SLC66A2: variants seen among roughly 807,000 people sequenced by gnomAD.
SLC66A2 encodes the protein PQ loop repeat containing 1.
A neutral mutation model predicts 25.5 loss-of-function variants in SLC66A2; 23 were observed. That is an observed-to-expected ratio of 0.90 (90% CI 0.65 to 1.28). The LOEUF (loss-of-function observed/expected upper bound fraction) is 1.28, where lower values mean the gene tolerates loss of function less well. Ranked by LOEUF, SLC66A2 falls within the 50% of genes most tolerant of loss-of-function variation. The probability of loss-of-function intolerance (pLI) is 0.00; values close to 1 mark genes in which losing one functional copy is unlikely to be tolerated. For synonymous variants in SLC66A2, 193 were observed against 166.5 expected, an observed-to-expected ratio of 1.16 and a Z score of -1.23; for missense variants, 396 against 373.1, an observed-to-expected ratio of 1.06 and a Z score of -0.51.
At chr18:79,930,554 C>T (rs543528989) in intron 4 of SLC66A2, among the ~76,000 whole-genome samples, 220 of 152,256 alleles carry the variant, frequency 1.4e-3, no homozygotes, top group Non-Finnish European at 2.6e-3. Flanking sequence ...AAGATGATAT[C>T]GGTCACATGT....
Position 79,921,900 on chromosome 18 carries a change from A to AGGGTC in SLC66A2, c.392-2501_392-2500insGACCC, listed in dbSNP as rs1282920794. Among the ~76,000 whole-genome samples the AGGGTC allele has an allele frequency of 3.0e-5, 4 of 133,400 alleles. 1 individual carries two copies. The highest frequency in any genetic ancestry group is 1.1e-4 in the African/African-American group (4 of 37,872). The allele number at this position is 133,400 out of a possible 152,430, so 87.5% of individuals were successfully genotyped here. A position where few individuals can be genotyped will look rare whatever the true frequency, so the allele number is the denominator to read the frequency against. ...AGAGACGGGAACCGAGGGAGAGGTC[A>AGGGTC]AGGTCAGTGACAAGAGATGGGAACC... On this transcript the variant is annotated intron_variant, in intron 4 of 5. Coordinates refer to ENST00000397778, the MANE Select transcript of SLC66A2 (RefSeq NM_025078.5).
rs536599855 is a variant in SLC66A2, at chr18:79,918,139, C to A, written c.608+1045G>T. On this transcript the variant is annotated intron_variant, in intron 5 of 5. Transcript: ENST00000397778. The surrounding 1 kb of genome is among the most constrained non-coding windows in gnomAD (Gnocchi z 4.0). ...GAACCTACACACAACCCCCGGCCCTCACACCTCTGCCCACACGCCAAACCT... is the reference window on the plus strand; with the variant it reads ...GAACCTACACACAACCCCCGGCCCTAACACCTCTGCCCACACGCCAAACCT... Among the ~76,000 whole-genome samples the A allele has an allele frequency of 6.6e-6, 1 of 152,304 alleles. No homozygotes were observed. Among genetic ancestry groups the A allele is most frequent in the African/African-American group, 2.4e-5 (1 of 41,558 alleles).
intron 4 of SLC66A2, among the ~76,000 whole-genome samples, chr18:79,928,318 A>T (rs1387558827): frequency 6.6e-6 from 1 of 152,212 alleles, no homozygotes; most frequent in Admixed American, 6.5e-5. Context: ...CCCCATGGAG[A>T]ATGCTTGGCT....
intron 3 of SLC66A2, among the ~76,000 whole-genome samples, chr18:79,938,811 G>A (rs1987366507): frequency 6.6e-6 from 1 of 152,174 alleles, no homozygotes. Flanking sequence ...TGAGTAGCTG[G>A]GATTACAGGC....
chr18:79,926,400 A>C (rs1450535606), intron 4 of SLC66A2, among the ~76,000 whole-genome samples: 1 of 152,078 alleles, frequency 6.6e-6, no homozygotes, highest in Admixed American at 6.5e-5. Flanking sequence ...TCCTGTTGGG[A>C]CTGGGATGGC....
chr18:79,918,577 A>G lies in SLC66A2; in HGVS notation c.608+607T>C, dbSNP rs548602159. On this transcript the variant is annotated intron_variant, in intron 5 of 5. Transcript: ENST00000397778. This position sits in a 1 kb window ranked among gnomAD's most constrained non-coding sequence, Gnocchi z 4.0. Reference sequence around the variant, plus strand: ...AGCGAGCAGATCTGTTTTTATTACAATGCAGTTTCCATCCAGGACCTTGAC... The same window carrying G: ...AGCGAGCAGATCTGTTTTTATTACAGTGCAGTTTCCATCCAGGACCTTGAC... Among the ~76,000 whole-genome samples the G allele has an allele frequency of 6.6e-6, 1 of 152,322 alleles. No individual in the cohort carries two copies. The highest frequency in any genetic ancestry group is 1.9e-4 in the East Asian group (1 of 5,180).
intron 5 of SLC66A2, among the ~76,000 whole-genome samples, chr18:79,916,187 TACCCAC>T (rs879857271): frequency 0.3 from 25,447 of 84,640 alleles, 6,042 homozygotes; most frequent in East Asian, 0.46. Context: ...TACCCTCCCA[TACCCAC>T]GGTGCTCCCG....
intron 5 of SLC66A2, among the ~76,000 whole-genome samples, chr18:79,916,147 C>CATGGT (rs1568301998): frequency 1.0e-4 from 7 of 67,552 alleles, no homozygotes; most frequent in African/African-American, 2.8e-4. Context: ...CTCCCGTACC[C>CATGGT]GCGGCGCTCT....
At chr18:79,906,061 G>T (rs1364847937) in intron 5 of SLC66A2, among the ~76,000 whole-genome samples, 1 of 152,192 alleles carries the variant, frequency 6.6e-6, no homozygotes, top group East Asian at 1.9e-4. Flanking sequence ...ATGGGCATGA[G>T]GTTGTTCATT....
At chr18:79,948,095 C>T (rs1263246987) in intron 2 of SLC66A2, among the ~76,000 whole-genome samples, 1 of 152,220 alleles carries the variant, frequency 6.6e-6, no homozygotes, top group Non-Finnish European at 1.5e-5. Flanking sequence ...AGAAGCCATG[C>T]ATGACCAGGA....
intron 4 of SLC66A2, among the ~76,000 whole-genome samples, chr18:79,925,949 G>A (rs1985901057): frequency 1.3e-5 from 2 of 152,156 alleles, no homozygotes; most frequent in African/African-American, 4.8e-5. Context: ...ACAAGATACA[G>A]GTCATAAAGA....
At position 79,950,949 on chromosome 18, in the gene SLC66A2, C is replaced by A. The variant is rs577009928; in HGVS notation, c.-23G>T. On this transcript the variant is annotated 5_prime_UTR_variant, in exon 2 of 6. Coordinates refer to ENST00000397778, the MANE Select transcript of SLC66A2 (RefSeq NM_025078.5). ...CATCGCAGCGCCCGCCTGGCCGAGGCTGTCACGGGCTCCGCGCCCCGCGGG... is the reference window on the plus strand; with the variant it reads ...CATCGCAGCGCCCGCCTGGCCGAGGATGTCACGGGCTCCGCGCCCCGCGGG... 25 of 1,496,208 alleles carry A rather than the reference C, an allele frequency of 1.7e-5. No homozygotes were observed. The East Asian group carries it at 4.5e-4, about 27-fold the overall frequency. 92.7% of individuals were successfully genotyped at this position (1,496,208 alleles called of 1,614,324 possible).
chr18:79,949,130 A>C (rs1456848617), intron 2 of SLC66A2, among the ~76,000 whole-genome samples: 1 of 152,114 alleles, frequency 6.6e-6, no homozygotes, highest in Non-Finnish European at 1.5e-5. Flanking sequence ...CCTCAGAGAC[A>C]ACTCTGGGGA....
At chr18:79,913,312 C>A (rs1248343592) in intron 5 of SLC66A2, among the ~76,000 whole-genome samples, 2 of 151,928 alleles carry the variant, frequency 1.3e-5, no homozygotes, top group Non-Finnish European at 2.9e-5. Context: ...CCAACGCACC[C>A]CCGCTGCCCT....
At chr18:79,909,538 C>G (rs1663596784) in intron 5 of SLC66A2, among the ~76,000 whole-genome samples, 1 of 149,996 alleles carries the variant, frequency 6.7e-6, no homozygotes, top group Non-Finnish European at 1.5e-5. Context: ...CACAGAGTCC[C>G]CAACCTTCCC....
rs751554928 is a variant in SLC66A2, at chr18:79,937,694, A to G, written c.338-3672T>C. On this transcript the variant is annotated intron_variant, in intron 3 of 5. Coordinates refer to ENST00000397778, the MANE Select transcript of SLC66A2 (RefSeq NM_025078.5). The surrounding 1 kb of genome is among the most constrained non-coding windows in gnomAD (Gnocchi z 5.4). ...ACGACGCAACCATCCTGCGAAACAC[A>G]AGAACCAAACCTGGATCCGATAGGG... Among the ~76,000 whole-genome samples, 2 of 152,144 alleles carry G rather than the reference A, an allele frequency of 1.3e-5. No individual in the cohort carries two copies. The highest frequency in any genetic ancestry group is 2.9e-5 in the Non-Finnish European group (2 of 68,028).
intron 3 of SLC66A2, among the ~76,000 whole-genome samples, chr18:79,938,756 AACCTCC>A (rs1411802013): frequency 6.6e-6 from 1 of 152,200 alleles, no homozygotes; most frequent in Non-Finnish European, 1.5e-5. Flanking sequence ...GGCTCACTGC[AACCTCC>A]ACCTCCAGGG....
In SLC66A2 at chr18:79,950,738, CAA is replaced by C. The variant is rs754273428; in HGVS notation, c.187_188del (p.Leu63AlafsTer11). The C allele has an allele frequency of 6.2e-7, 1 of 1,613,182 alleles. No homozygotes were observed. The highest frequency in any genetic ancestry group is 8.5e-7 in the Non-Finnish European group (1 of 1,179,952). On this transcript the variant is annotated frameshift_variant, in exon 2 of 6. Coordinates refer to ENST00000397778, the MANE Select transcript of SLC66A2 (RefSeq NM_025078.5). LOFTEE classifies it high-confidence loss of function. ...VCLVLLVANI[L>X]RILFWFGRRF... ...CCCCAACTTACCAGAAGAGTATCCG[CAA>C]AATGTTGGCCACCAGCAGCACCAGG...
At chr18:79,930,523 C>T (rs1394135610) in intron 4 of SLC66A2, among the ~76,000 whole-genome samples, 1 of 152,124 alleles carries the variant, frequency 6.6e-6, no homozygotes, top group Non-Finnish European at 1.5e-5. Flanking sequence ...CAGGTAAAGA[C>T]AATGATGTAA....
Sources: gnomAD v4.1 joint callset for allele counts (sites outside exome capture counted in the v4.1 genomes callset) on GRCh38, gnomAD v4.1.1 for gene constraint, Gnocchi (gnomAD v3.1) non-coding constraint, MANE v1.5 for transcripts, NCBI Gene and HGNC (gene_info 2026-07-23, HGNC 2026-07-21) for gene names.